The following ABLIM2 variants were observed in gnomAD, a reference collection of about 807,000 sequenced individuals.
ABLIM2 encodes actin binding LIM protein family member 2.
ABLIM2 carries 53 observed loss-of-function variants against 97.7 expected under a neutral mutation model. That is an observed-to-expected ratio of 0.54 (90% CI 0.44 to 0.68). ABLIM2 has a LOEUF of 0.68. Among genes scored for constraint, ABLIM2 ranks in the 30% least tolerant of loss-of-function variants. The pLI is 0.00. For missense variants in ABLIM2, 835 were observed against 867.2 expected, an observed-to-expected ratio of 0.96 and a Z score of 0.47; for synonymous variants, 361 against 345.8, an observed-to-expected ratio of 1.04 and a Z score of -0.49.
At chr4:8,047,358 TTCC>T (rs139472480) in intron 8 of ABLIM2, among the ~76,000 whole-genome samples, 22,519 of 149,040 alleles carry the variant, frequency 0.15, 1,919 homozygotes, top group East Asian at 0.28. Flanking sequence ...CCACCGCCTC[TTCC>T]TCCTCCTCCT....
rs750317517 is a variant in ABLIM2 at position 8,150,766 on chromosome 4, G to T, written c.10+7914C>A. On this transcript the variant is annotated intron_variant, in intron 1 of 20. Transcript: ENST00000447017. The surrounding 1 kb of genome is among the most constrained non-coding windows in gnomAD (Gnocchi z 6.3). ...GGGAGCTGGGTGGCTCTCTGGAGACGGTGCTTCTCCTGGCACTGGGCTGCA... is the reference window on the plus strand; with the variant it reads ...GGGAGCTGGGTGGCTCTCTGGAGACTGTGCTTCTCCTGGCACTGGGCTGCA... Among the ~76,000 whole-genome samples the T allele has an allele frequency of 2.6e-5, 4 of 152,168 alleles. No individual in the cohort carries two copies. The highest frequency in any genetic ancestry group is 5.9e-5 in the Non-Finnish European group (4 of 68,028).
At chr4:8,064,411 GA>G (rs1805628016) in intron 6 of ABLIM2, among the ~76,000 whole-genome samples, 1 of 152,206 alleles carries the variant, frequency 6.6e-6, no homozygotes, top group Non-Finnish European at 1.5e-5. Flanking sequence ...GGGTGGCTCT[GA>G]AGACAGGAGG....
At chr4:7,980,941 A>ATTTTTTTTTTTTTTCTTTT (rs1737714579) in intron 20 of ABLIM2, among the ~76,000 whole-genome samples, 1 of 82,988 alleles carries the variant, frequency 1.2e-5, no homozygotes. Flanking sequence ...ACAACCCCTT[A>ATTTTTTTTTTTTTTCTTTT]TTTTTTTTTT....
intron 8 of ABLIM2, among the ~76,000 whole-genome samples, chr4:8,053,027 T>C (rs1332405323): frequency 2.0e-5 from 3 of 152,212 alleles, no homozygotes; most frequent in African/African-American, 7.2e-5. Context: ...ACCAGCCAGA[T>C]GGGGCCATAG....
rs747360319 is a variant in ABLIM2, at chr4:8,020,193, G to A, written c.1369+9C>T. On this transcript the variant is annotated intron_variant, in intron 13 of 20. Transcript: ENST00000447017. ...GTAAGGAGCCCAGCCAGCGTGTCCC[G>A]GAGCCTACCTGGGACGTGGAAGTGG... 48 of 1,610,776 alleles carry A rather than the reference G, an allele frequency of 3.0e-5. No homozygotes were observed. The highest frequency in any genetic ancestry group is 2.0e-4 in the East Asian group (9 of 44,848).
chr4:8,091,813 TATATAATATATTATATAAATA>T (rs1561338736), intron 3 of ABLIM2, among the ~76,000 whole-genome samples: 1 of 68,992 alleles, frequency 1.4e-5, no homozygotes, highest in Non-Finnish European at 2.8e-5. Context: ...TATTATATAT[TATATAATATATTATATAAATA>T]ATATAATATA....
In ABLIM2 at chr4:7,970,530, G is replaced by A. The variant is rs1015239064; in HGVS notation, c.1825-3427C>T. Among the ~76,000 whole-genome samples, 18 of 151,934 alleles carry A rather than the reference G, an allele frequency of 1.2e-4. No individual in the cohort carries two copies. Among genetic ancestry groups the A allele is most frequent in the South Asian group, 4.2e-4 (2 of 4,812 alleles). ...CCCCGCATGCTGGGGAAGGAGAGAA[G>A]GGCAGGCTTGAGGATGACACCATGT... On this transcript the variant is annotated intron_variant, in intron 20 of 20. Coordinates refer to ENST00000447017, the MANE Select transcript of ABLIM2 (RefSeq NM_001130083.2). The surrounding 1 kb of genome is among the most constrained non-coding windows in gnomAD (Gnocchi z 5.3).
At chr4:8,035,053 G>C (rs1783718626) in intron 10 of ABLIM2, among the ~76,000 whole-genome samples, 1 of 76,082 alleles carries the variant, frequency 1.3e-5, no homozygotes, top group South Asian at 3.7e-4. Context: ...ATGGGTGGTA[G>C]GTAGGTGGGT....
chr4:8,094,919 C>T (rs71603909), intron 3 of ABLIM2, among the ~76,000 whole-genome samples: 8 of 134,040 alleles, frequency 6.0e-5, no homozygotes, highest in African/African-American at 1.6e-4. Flanking sequence ...TCCCTCTCTT[C>T]CCTCCCTCCC....
chr4:8,133,184 T>TC (rs1309886719), intron 1 of ABLIM2, among the ~76,000 whole-genome samples: 1 of 152,140 alleles, frequency 6.6e-6, no homozygotes, highest in Non-Finnish European at 1.5e-5. Flanking sequence ...TCACCTTCCC[T>TC]CTTCTCCCTT....
intron 20 of ABLIM2, among the ~76,000 whole-genome samples, chr4:7,978,232 G>A (rs543949274): frequency 6.6e-6 from 1 of 152,208 alleles, no homozygotes; most frequent in East Asian, 1.9e-4. Context: ...AGCCGCTGCT[G>A]AGAAAAGAGG....
chr4:8,156,443 T>C (rs1446190323), intron 1 of ABLIM2, among the ~76,000 whole-genome samples: 2 of 152,198 alleles, frequency 1.3e-5, no homozygotes, highest in Non-Finnish European at 2.9e-5. Flanking sequence ...CCATGTGCTA[T>C]ATAAACAATC....
In ABLIM2 at chr4:8,005,462, A is replaced by G. The variant is rs747336284; in HGVS notation, c.1618+2597T>C. ...AGGTGGCGTGCCTTGCTGTGTGCAAATGCTTTGTTCAGTAAAAGCTGTGTG... is the reference window on the plus strand; with the variant it reads ...AGGTGGCGTGCCTTGCTGTGTGCAAGTGCTTTGTTCAGTAAAAGCTGTGTG... On this transcript the variant is annotated intron_variant, in intron 16 of 20. Transcript: ENST00000447017. This position sits in a 1 kb window ranked among gnomAD's most constrained non-coding sequence, Gnocchi z 4.9. 6.0e-5 allele frequency: 32 copies of G among 531,514 alleles called. No individual in the cohort carries two copies. The highest frequency in any genetic ancestry group is 8.5e-5 in the Non-Finnish European group (22 of 259,938). 32.9% of individuals were successfully genotyped at this position (531,514 alleles called of 1,614,324 possible). A position where few individuals can be genotyped will look rare whatever the true frequency, so the allele number is the denominator to read the frequency against.
At chr4:8,092,076 C>T (rs1171183414) in intron 3 of ABLIM2, among the ~76,000 whole-genome samples, 3 of 149,546 alleles carry the variant, frequency 2.0e-5, no homozygotes, top group African/African-American at 7.4e-5. Flanking sequence ...TGGCTCACTG[C>T]AACCTCTGCC....
Position 8,008,176 on chromosome 4 carries a change from T to C in ABLIM2, c.1501A>G (p.Lys501Glu). ...RKQKSSWLML[K>E]GDADTRTNSP... is the part of the protein sequence containing the mutation. ...TTGGTCCTTGTGTCTGCATCCCCCT[T>C]GAGCATCAGCCAGCTGCTCTTCTGC... is the stretch of plus-strand genomic sequence containing the variant. Residue 501 changes from lysine (K) to glutamate (E), a missense_variant, in exon 16 of 21, where the codon AAG becomes GAG. Physicochemically the swap from Lys to Glu is moderately conservative, Grantham distance 56. Coordinates refer to ENST00000447017, the MANE Select transcript of ABLIM2 (RefSeq NM_001130083.2). 2.5e-6 allele frequency: 4 copies of C among 1,613,810 alleles called. No individual in the cohort carries two copies. Among genetic ancestry groups the C allele is most frequent in the Non-Finnish European group, 2.5e-6 (3 of 1,179,756 alleles).
rs1455941283 is a variant in ABLIM2 at position 7,994,770 on chromosome 4, G to A, written c.1619-1843C>T. 1.7e-5 allele frequency among the ~76,000 whole-genome samples: 2 copies of A among 117,308 alleles called. 1 individual carries two copies. The highest frequency in any genetic ancestry group is 4.1e-5 in the Non-Finnish European group (2 of 48,404). 77.0% of individuals were successfully genotyped at this position (117,308 alleles called of 152,430 possible). ...TCCTCTCCAGCACCTGTTGTTTCCT[G>A]ACTTCATGTCCAAAACACCAAAAGC... On this transcript the variant is annotated intron_variant, in intron 16 of 20. Coordinates refer to ENST00000447017, the MANE Select transcript of ABLIM2 (RefSeq NM_001130083.2).
In ABLIM2 at chr4:7,992,869, C is replaced by T. The variant is rs1750023301; in HGVS notation, c.1677G>A (p.Gln559=). The change falls in exon 17 of 21, where the codon CAG becomes CAA. Residue 559 remains glutamine, a synonymous_variant. Coordinates refer to ENST00000447017, the MANE Select transcript of ABLIM2 (RefSeq NM_001130083.2). The surrounding 1 kb of genome is among the most constrained non-coding windows in gnomAD (Gnocchi z 5.7). The part of the protein sequence containing the change: ...LPGHGKNGLD[Q]RNANLAPCGA... ...CCAGGGAGGGGTCAGTACCTACCCG[C>T]TGGTCCAAGCCATTCTTTCCATGTC... The T allele has an allele frequency of 6.2e-7, 1 of 1,612,530 alleles. No individual in the cohort carries two copies. The highest frequency in any genetic ancestry group is 8.5e-7 in the Non-Finnish European group (1 of 1,179,544).
chr4:8,110,435 G>A (rs1309477484), intron 1 of ABLIM2, among the ~76,000 whole-genome samples: 1 of 152,056 alleles, frequency 6.6e-6, no homozygotes, highest in Non-Finnish European at 1.5e-5. Context: ...TGAAACTCCT[G>A]GTCTTCTGTC....
rs1803309165 is a variant in ABLIM2, at chr4:8,061,855, A to G, written c.676-801T>C. Among the ~76,000 whole-genome samples, 1 of 152,076 alleles carries G rather than the reference A, an allele frequency of 6.6e-6. No individual in the cohort carries two copies. ...ATAATAACCAGTTTCCTGAATCAGT[A>G]AGTAAAGGGCTGAAATGTCATTTTG... On this transcript the variant is annotated intron_variant, in intron 6 of 20. Coordinates refer to ENST00000447017, the MANE Select transcript of ABLIM2 (RefSeq NM_001130083.2). The surrounding 1 kb of genome is among the most constrained non-coding windows in gnomAD (Gnocchi z 4.5).
Sources: gnomAD v4.1 joint callset for allele counts (sites outside exome capture counted in the v4.1 genomes callset) on GRCh38, gnomAD v4.1.1 for gene constraint, Gnocchi (gnomAD v3.1) non-coding constraint, MANE v1.5 for transcripts, NCBI Gene and HGNC (gene_info 2026-07-23, HGNC 2026-07-21) for gene names.